RPA3: variants seen among roughly 807,000 people sequenced by gnomAD.
RPA3 encodes replication protein A 14 kDa subunit.
RPA3 carries 24 observed loss-of-function variants against 13.7 expected under a neutral mutation model. The observed-to-expected ratio is 1.75, with a 90% CI of 1.27 to 2.46. RPA3 has a LOEUF of 2.46. RPA3 is among the 30% of genes most tolerant of loss of function. The pLI is 0.00. For synonymous variants in RPA3, 59 were observed against 51.2 expected (o/e 1.15, Z -0.65); for missense variants, 183 against 151.0 (o/e 1.21, Z -1.11).
intron 2 of RPA3, among the ~76,000 whole-genome samples, chr7:7,706,396 A>C (rs1780600879): frequency 6.6e-6 from 1 of 152,170 alleles, no homozygotes; most frequent in Admixed American, 6.5e-5. Flanking sequence ...AGAGAAGTTC[A>C]GGAAATACCA....
chr7:7,649,729 C>T (rs1281382778), intron 4 of RPA3, among the ~76,000 whole-genome samples: 2 of 89,494 alleles, frequency 2.2e-5, no homozygotes. Context: ...TGCCATGGTC[C>T]GAATGTTTGT....
At chr7:7,700,385 C>T (rs1187120232) in intron 2 of RPA3, among the ~76,000 whole-genome samples, 1 of 152,066 alleles carries the variant, frequency 6.6e-6, no homozygotes, top group Non-Finnish European at 1.5e-5. Context: ...TGAGGGAACA[C>T]AAATATTCAG....
rs1780870415 is a variant in RPA3 at position 7,715,244 on chromosome 7, A to G, written c.-1079-18T>C. 3 of 152,198 alleles carry G rather than the reference A, an allele frequency of 2.0e-5. No individual in the cohort carries two copies. Among genetic ancestry groups the G allele is most frequent in the Admixed American group, 2.0e-4 (3 of 15,282 alleles). 9.4% of individuals were successfully genotyped at this position (152,198 alleles called of 1,614,324 possible). The stretch of plus-strand genomic sequence containing the variant: ...CTGAGTACCTGAGACAAAGTGAACT[A>G]CAAGTAGGATAAGAACTGAAAAGTT... On this transcript the variant is annotated intron_variant, in intron 1 of 7. Transcript: ENST00000223129.
intron 1 of RPA3, among the ~76,000 whole-genome samples, chr7:7,717,327 A>C (rs1583770285): frequency 6.6e-6 from 1 of 152,022 alleles, no homozygotes; most frequent in South Asian, 2.1e-4. Flanking sequence ...AAAGTGCTGG[A>C]ATTACAGGCA....
At chr7:7,658,050 A>C (rs1041300808) in intron 4 of RPA3, among the ~76,000 whole-genome samples, 14 of 152,080 alleles carry the variant, frequency 9.2e-5, no homozygotes, top group African/African-American at 3.4e-4. Flanking sequence ...TTGGATTCCT[A>C]GGTATTTTAT....
chr7:7,646,480 A>ATTTTTTTTTTTTTT (rs35948027), intron 4 of RPA3, among the ~76,000 whole-genome samples: 2 of 111,360 alleles, frequency 1.8e-5, no homozygotes, highest in Non-Finnish European at 3.5e-5. Context: ...CTTTCGCTGG[A>ATTTTTTTTTTTTTT]TTTTTTTTTT....
intron 4 of RPA3, among the ~76,000 whole-genome samples, chr7:7,668,493 G>A (rs998597838): frequency 1.3e-5 from 2 of 152,074 alleles, no homozygotes; most frequent in Non-Finnish European, 2.9e-5. Context: ...TAATCTCTTA[G>A]TGTGCCTAAT....
At chr7:7,714,611 T>C (rs1022602443) in intron 2 of RPA3, among the ~76,000 whole-genome samples, 3 of 152,206 alleles carry the variant, frequency 2.0e-5, no homozygotes, top group Non-Finnish European at 4.4e-5. Context: ...TAAATTCTCA[T>C]TTGCTTTAAA....
At chr7:7,674,231 C>T (rs1779683502) in intron 4 of RPA3, among the ~76,000 whole-genome samples, 1 of 152,208 alleles carries the variant, frequency 6.6e-6, no homozygotes, top group Admixed American at 6.5e-5. Context: ...ATGGTCTTCA[C>T]TCCCTGGAAT....
At chr7:7,660,630 C>A (rs962457109) in intron 4 of RPA3, among the ~76,000 whole-genome samples, 5 of 152,064 alleles carry the variant, frequency 3.3e-5, no homozygotes, top group African/African-American at 4.8e-5. Flanking sequence ...ACTATTGGCC[C>A]CACTCTCTTC....
chr7:7,686,602 A>C (rs1200171113), intron 3 of RPA3, among the ~76,000 whole-genome samples: 1 of 152,198 alleles, frequency 6.6e-6, no homozygotes, highest in African/African-American at 2.4e-5. Context: ...GAGAAACCAC[A>C]ACAACAAATT....
chr7:7,638,618 C>T (rs1784902068), intron 6 of RPA3: 1 of 153,844 alleles, frequency 6.5e-6, no homozygotes, highest in Non-Finnish European at 1.4e-5. Context: ...GTAGTCCCAG[C>T]TACTGGGGAG....
intron 2 of RPA3, among the ~76,000 whole-genome samples, chr7:7,690,602 A>G (rs1329050509): frequency 6.6e-6 from 1 of 152,178 alleles, no homozygotes; most frequent in Non-Finnish European, 1.5e-5. Flanking sequence ...AGGACATCTT[A>G]GGGATAATTC....
At chr7:7,689,515 T>C (rs1220205623) in intron 2 of RPA3, 1 of 152,196 alleles carries the variant, frequency 6.6e-6, no homozygotes, top group African/African-American at 2.4e-5. Flanking sequence ...TAGGTTTATG[T>C]TACTTGCAGC....
intron 4 of RPA3, among the ~76,000 whole-genome samples, chr7:7,672,773 C>T (rs990881076): frequency 2.6e-5 from 4 of 152,120 alleles, no homozygotes; most frequent in Admixed American, 2.0e-4. Context: ...ATCACTCAGT[C>T]GAGGATATTT....
At position 7,659,623 on chromosome 7, in the gene RPA3, G is replaced by A. The variant is rs191212449; in HGVS notation, c.-757-18448C>T. On this transcript the variant is annotated intron_variant, in intron 4 of 7. Coordinates refer to ENST00000223129, the MANE Select transcript of RPA3 (RefSeq NM_002947.5). ...CATGTAGTTGTGCAGTTTTGAGTGA[G>A]TTTCTTAATCCTGTGCTCTCATTTG... Among the ~76,000 whole-genome samples, 17 of 152,310 alleles carry A rather than the reference G, an allele frequency of 1.1e-4. No individual in the cohort carries two copies. In the East Asian group the frequency reaches 2.7e-3, roughly 24 times the overall value.
chr7:7,660,047 A>G (rs927710931), intron 4 of RPA3, among the ~76,000 whole-genome samples: 3 of 152,082 alleles, frequency 2.0e-5, no homozygotes, highest in Admixed American at 6.6e-5. Context: ...TCCCTTTACC[A>G]TTATGTAATG....
At chr7:7,693,330 T>TCTATCTAG (rs1780225104) in intron 2 of RPA3, among the ~76,000 whole-genome samples, 2 of 151,218 alleles carry the variant, frequency 1.3e-5, no homozygotes, top group Admixed American at 1.3e-4. Flanking sequence ...TATCTATCTA[T>TCTATCTAG]CTATCTACAT....
At chr7:7,657,293 C>T (rs895597417) in intron 4 of RPA3, among the ~76,000 whole-genome samples, 9 of 152,122 alleles carry the variant, frequency 5.9e-5, no homozygotes, top group Non-Finnish European at 7.3e-5. Flanking sequence ...GTTTCTTTTG[C>T]TGTGCAGAAG....
Sources: gnomAD v4.1 joint callset for allele counts (sites outside exome capture counted in the v4.1 genomes callset) on GRCh38, gnomAD v4.1.1 for gene constraint, MANE v1.5 for transcripts, NCBI Gene and HGNC (gene_info 2026-07-23, HGNC 2026-07-21) for gene names.